RAB9A: variants seen among roughly 807,000 people sequenced by gnomAD.
The protein encoded by RAB9A is RAB9A, member RAS oncogene family.
RAB9A carries 1 observed loss-of-function variant against 10.3 expected under a neutral mutation model. That is an observed-to-expected ratio of 0.10 (90% CI 0.03 to 0.46). The LOEUF is 0.46. Among genes scored for constraint, RAB9A ranks in the 20% least tolerant of loss-of-function variants. The probability of loss-of-function intolerance (pLI) is 0.96; values close to 1 mark genes in which losing one functional copy is unlikely to be tolerated. For synonymous variants in RAB9A, 39 were observed against 55.2 expected (o/e 0.71, Z 1.30); for missense variants, 92 against 150.3 (o/e 0.61, Z 2.03).
chrX:13,691,166 G>C (rs1402608574), intron 1 of RAB9A, among the ~76,000 whole-genome samples: 3 of 111,623 alleles, frequency 2.7e-5, no homozygotes, highest in Non-Finnish European at 5.6e-5. Flanking sequence ...CCCCACAACA[G>C]AGTTGTCTAG....
chrX:13,707,664 T>C (rs1347969907), intron 2 of RAB9A, among the ~76,000 whole-genome samples: 1 of 111,958 alleles, frequency 8.9e-6, no homozygotes, highest in Non-Finnish European at 1.9e-5. Context: ...ATTTAAGGTT[T>C]ATTTCATTCT....
chrX:13,691,125 T>G (rs1279530659), intron 1 of RAB9A, among the ~76,000 whole-genome samples: 1 of 111,518 alleles, frequency 9.0e-6, no homozygotes, highest in Non-Finnish European at 1.9e-5. Context: ...TAAATTTTGC[T>G]GCTAAACATT....
chrX:13,705,285 T>G (rs965046017), intron 2 of RAB9A, among the ~76,000 whole-genome samples: 4 of 111,870 alleles, frequency 3.6e-5, no homozygotes, highest in African/African-American at 9.7e-5. Context: ...GTTAGAGAGA[T>G]ATTCATGTAG....
In RAB9A at chrX:13,690,530, A is replaced by T. The variant is rs770951221; in HGVS notation, c.-116+1242A>T. Among the ~76,000 whole-genome samples the T allele has an allele frequency of 7.2e-5, 8 of 110,979 alleles. No individual in the cohort carries two copies. In the East Asian group the frequency reaches 2.3e-3, roughly 31 times the overall value. On this transcript the variant is annotated intron_variant, in intron 1 of 2. Transcript: ENST00000464506. ...ACTAAGTAGAACATCATTGGCTTTGACTCCAAGCCGGGTTTTAGAGATAAG... is the reference window on the plus strand; with the variant it reads ...ACTAAGTAGAACATCATTGGCTTTGTCTCCAAGCCGGGTTTTAGAGATAAG...
intron 1 of RAB9A, among the ~76,000 whole-genome samples, chrX:13,696,507 CTA>C (rs1266412036): frequency 8.9e-6 from 1 of 112,201 alleles, no homozygotes; most frequent in Non-Finnish European, 1.9e-5. Context: ...AGAGAATTCA[CTA>C]TATACTAGCT....
At position 13,709,648 on chromosome X, in the gene RAB9A, A is replaced by C. The variant is rs950803572; in HGVS notation, c.*296A>C. 1.8e-5 allele frequency: 3 copies of C among 162,574 alleles called. No homozygotes were observed. The highest frequency in any genetic ancestry group is 3.8e-5 in the Non-Finnish European group (3 of 78,625). 13.4% of individuals were successfully genotyped at this position (162,574 alleles called of 1,213,427 possible). A position where few individuals can be genotyped will look rare whatever the true frequency, so the allele number is the denominator to read the frequency against. ...AATGACCAAGACTTTAATTATAATA[A>C]AAATAAGAAACTTGACTATTCTAGA... is the stretch of plus-strand genomic sequence containing the variant. On this transcript the variant is annotated 3_prime_UTR_variant, in exon 3 of 3. Transcript: ENST00000464506.
intron 1 of RAB9A, among the ~76,000 whole-genome samples, chrX:13,691,472 C>T (rs2046122801): frequency 9.1e-6 from 1 of 109,926 alleles, no homozygotes; most frequent in Non-Finnish European, 1.9e-5. Flanking sequence ...CCAGCCTGGC[C>T]AACATGGTGA....
At position 13,709,394 on chromosome X, in the gene RAB9A, C is replaced by T. The variant is rs771770557; in HGVS notation, c.*42C>T. 8.7e-7 allele frequency: 1 copy of T among 1,147,969 alleles called. No individual in the cohort carries two copies. Among genetic ancestry groups the T allele is most frequent in the Non-Finnish European group, 1.2e-6 (1 of 859,291 alleles). 94.6% of individuals were successfully genotyped at this position (1,147,969 alleles called of 1,213,427 possible). A position where few individuals can be genotyped will look rare whatever the true frequency, so the allele number is the denominator to read the frequency against. ...GCATTCTAACCAACTCACACATATA[C>T]ACAAAATCAACATGGGGATGGAGAA... On this transcript the variant is annotated 3_prime_UTR_variant, in exon 3 of 3. Transcript: ENST00000464506.
chrX:13,689,190 C>T lies in RAB9A; in HGVS notation c.-214C>T, dbSNP rs778188839. ...CGGGAGCCTGGCTGCGCTACCGCGG[C>T]TGCCTCCTGCTGTGCAGGTCCCCGA... On this transcript the variant is annotated 5_prime_UTR_variant, in exon 1 of 3. Transcript: ENST00000464506. 2.6e-5 allele frequency: 3 copies of T among 113,448 alleles called. No homozygotes were observed. The East Asian group carries it at 8.4e-4, about 32-fold the overall frequency. 9.3% of individuals were successfully genotyped at this position (113,448 alleles called of 1,213,427 possible). A position where few individuals can be genotyped will look rare whatever the true frequency, so the allele number is the denominator to read the frequency against.
rs1313967225 is a variant in RAB9A, at chrX:13,708,934, C to T, written c.188C>T (p.Thr63Met). 2 of 1,211,441 alleles carry T rather than the reference C, an allele frequency of 1.7e-6. No homozygotes were observed. The highest frequency in any genetic ancestry group is 3.0e-5 in the East Asian group (1 of 33,839). The change falls in exon 3 of 3, where the codon ACG becomes ATG. Residue 63 changes from threonine (T) to methionine (M), a missense_variant. Transcript: ENST00000464506. ...GHFVTMQIWD[T>M]AGQERFRSLR... The stretch of plus-strand genomic sequence containing the variant: ...TTTGTTACCATGCAGATTTGGGACA[C>T]GGCAGGTCAGGAGCGATTCCGAAGC...
rs2046212171 is a variant in RAB9A at position 13,709,422 on chromosome X, G to C, written c.*70G>C. 1.9e-6 allele frequency: 2 copies of C among 1,080,864 alleles called. No homozygotes were observed. Among genetic ancestry groups the C allele is most frequent in the Admixed American group, 2.9e-5 (1 of 34,095 alleles). 89.1% of individuals were successfully genotyped at this position (1,080,864 alleles called of 1,213,427 possible). ...AAAATCAACATGGGGATGGAGAAGA[G>C]AATTAGCGTTTGCAGCAGTGTATCA... is the stretch of plus-strand genomic sequence containing the variant. On this transcript the variant is annotated 3_prime_UTR_variant, in exon 3 of 3. Transcript: ENST00000464506.
intron 1 of RAB9A, among the ~76,000 whole-genome samples, chrX:13,696,034 T>A (rs2046146183): frequency 9.0e-6 from 1 of 110,794 alleles, no homozygotes; most frequent in Non-Finnish European, 1.9e-5. Context: ...GACTTGAAGG[T>A]CTCCCCTGTG....
intron 2 of RAB9A, among the ~76,000 whole-genome samples, chrX:13,706,323 C>T (rs1166475588): frequency 3.6e-5 from 4 of 111,746 alleles, no homozygotes; most frequent in African/African-American, 9.8e-5. Flanking sequence ...TGCACCTTAA[C>T]TGCCACACAC....
At position 13,709,358 on chromosome X, in the gene RAB9A, A is replaced by C. The variant is rs2046211722; in HGVS notation, c.*6A>C. 8.4e-7 allele frequency: 1 copy of C among 1,194,327 alleles called. No individual in the cohort carries two copies. Among genetic ancestry groups the C allele is most frequent in the East Asian group, 3.0e-5 (1 of 33,643 alleles). ...CTAGCTCATCTTGCTGTTGATTGTT[A>C]GATTGTTGATGCATTCTAACCAACT... On this transcript the variant is annotated 3_prime_UTR_variant, in exon 3 of 3. Transcript: ENST00000464506.
At chrX:13,691,979 T>C (rs756010861) in intron 1 of RAB9A, among the ~76,000 whole-genome samples, 175 of 108,256 alleles carry the variant, frequency 1.6e-3, no homozygotes, top group African/African-American at 5.8e-3. Context: ...AGGGGCCAGG[T>C]GTTCATTAAA....
chrX:13,693,913 G>T (rs1188084507), intron 1 of RAB9A, among the ~76,000 whole-genome samples: 1 of 111,500 alleles, frequency 9.0e-6, no homozygotes, highest in East Asian at 2.8e-4. Context: ...TTTGTCTTAG[G>T]CCTGACTCGT....
At chrX:13,703,587 A>G (rs1030614489) in intron 1 of RAB9A, 1 of 112,209 alleles carries the variant, frequency 8.9e-6, no homozygotes, top group Non-Finnish European at 1.9e-5. Flanking sequence ...GTTCAGACCA[A>G]TAGAGGCTAG....
At chrX:13,690,006 T>G (rs1162407285) in intron 1 of RAB9A, among the ~76,000 whole-genome samples, 1 of 106,544 alleles carries the variant, frequency 9.4e-6, no homozygotes. Flanking sequence ...ATCTCGTGAC[T>G]ACAGTTCTTT....
chrX:13,707,514 T>TGC (rs1425357245), intron 2 of RAB9A, among the ~76,000 whole-genome samples: 1 of 111,919 alleles, frequency 8.9e-6, no homozygotes, highest in Non-Finnish European at 1.9e-5. Context: ...CCAGGAACTG[T>TGC]GCTCCCACCA....
Sources: allele counts gnomAD v4.1 joint callset (sites outside exome capture counted in the v4.1 genomes callset), GRCh38; gene constraint gnomAD v4.1.1; transcripts MANE v1.5; gene names NCBI Gene and HGNC (gene_info 2026-07-23, HGNC 2026-07-21).